Variants in EREG observed in about 807,000 individuals in gnomAD.
EREG encodes epiregulin, also known as proepiregulin.
EREG carries 23 observed loss-of-function variants against 22.4 expected under a neutral mutation model. That is an observed-to-expected ratio of 1.03 (90% CI 0.74 to 1.46). The LOEUF (loss-of-function observed/expected upper bound fraction) is 1.46. Ranked by LOEUF, EREG falls within the 40% of genes most tolerant of loss-of-function variation. The pLI, the probability that EREG is intolerant of heterozygous loss-of-function variation, is 0.00. For missense variants in EREG, 226 were observed against 205.9 expected (o/e 1.10, Z -0.60); for synonymous variants, 100 against 75.4 (o/e 1.33, Z -1.69).
At chr4:74,380,117 C>A (rs1425482105) in intron 2 of EREG, among the ~76,000 whole-genome samples, 1 of 152,136 alleles carries the variant, frequency 6.6e-6, no homozygotes, top group African/African-American at 2.4e-5. Context: ...TCAGCTTTAT[C>A]TTCATTCTGA....
chr4:74,368,731 C>A (rs186886547), intron 1 of EREG, among the ~76,000 whole-genome samples: 4 of 152,280 alleles, frequency 2.6e-5, no homozygotes, highest in African/African-American at 7.2e-5. Context: ...GTTTCCTCAT[C>A]TGTCAATCTT....
chr4:74,378,630 T>G (rs1752423138), intron 1 of EREG, among the ~76,000 whole-genome samples: 1 of 152,152 alleles, frequency 6.6e-6, no homozygotes, highest in African/African-American at 2.4e-5. Context: ...TTGGAAAGAG[T>G]GTTTGAAGTG....
intron 1 of EREG, 79 bp from the exon 2 acceptor site, chr4:74,379,369 A>C: frequency 1.2e-6 from 1 of 842,076 alleles, no homozygotes. Context: ...CTCTATAAGT[A>C]CTGCAGTTAT....
Position 74,365,209 on chromosome 4 carries a change from C to A in EREG, c.-100C>A, listed in dbSNP as rs1752150491. 7.8e-6 allele frequency: 7 copies of A among 896,894 alleles called. No individual in the cohort carries two copies. The Admixed American group carries it at 1.2e-4, about 15-fold the overall frequency. 55.6% of individuals were successfully genotyped at this position (896,894 alleles called of 1,614,324 possible). A position where few individuals can be genotyped will look rare whatever the true frequency, so the allele number is the denominator to read the frequency against. On this transcript the variant is annotated 5_prime_UTR_variant, in exon 1 of 5. Coordinates refer to ENST00000244869, the MANE Select transcript of EREG (RefSeq NM_001432.3). Reference sequence around the variant, plus strand: ...CGTGGGGTCCCTTCTAGGCTGACAGCCGCTCTCCAGCCACTGCCGCGAGCC... The same window carrying A: ...CGTGGGGTCCCTTCTAGGCTGACAGACGCTCTCCAGCCACTGCCGCGAGCC...
intron 2 of EREG, among the ~76,000 whole-genome samples, chr4:74,380,792 C>A (rs149770501): frequency 0.012 from 1,845 of 152,228 alleles, 24 homozygotes; most frequent in Non-Finnish European, 0.018. Flanking sequence ...ATGTTATCTT[C>A]TTTTGTTTAG....
intron 1 of EREG, among the ~76,000 whole-genome samples, chr4:74,375,784 A>G (rs1175912036): frequency 6.6e-6 from 1 of 152,122 alleles, no homozygotes; most frequent in Non-Finnish European, 1.5e-5. Flanking sequence ...CACTATTTTA[A>G]AGCAATAGTG....
At chr4:74,382,874 G>C (rs1752502693) in intron 4 of EREG, 80 bp downstream of exon 4, 2 of 1,035,310 alleles carry the variant, frequency 1.9e-6, no homozygotes, top group African/African-American at 1.7e-5. Context: ...TAAAAATATG[G>C]ATAAAGTATT....
chr4:74,372,472 C>T (rs1180634596), intron 1 of EREG, among the ~76,000 whole-genome samples: 2 of 152,182 alleles, frequency 1.3e-5, no homozygotes, highest in Admixed American at 6.5e-5. Flanking sequence ...CTTCCTGCCA[C>T]AATGTGGCCA....
chr4:74,387,141 T>TACA lies in EREG; in HGVS notation c.*2333_*2334insACA, dbSNP rs1752581784. On this transcript the variant is annotated 3_prime_UTR_variant, in exon 5 of 5. Transcript: ENST00000244869. Reference sequence around the variant, plus strand: ...AAGATGATTTAAGTATACAGGAGGATGTGAATAGGTTATATGCAAGCACTA... The same window carrying TACA: ...AAGATGATTTAAGTATACAGGAGGATACAGTGAATAGGTTATATGCAAGCACTA... 6.6e-6 allele frequency: 1 copy of TACA among 152,174 alleles called. No individual in the cohort carries two copies. Among genetic ancestry groups the TACA allele is most frequent in the Non-Finnish European group, 1.5e-5 (1 of 68,036 alleles). The allele number at this position is 152,174 out of a possible 1,614,324, so 9.4% of individuals were successfully genotyped here. A position where few individuals can be genotyped will look rare whatever the true frequency, so the allele number is the denominator to read the frequency against.
At position 74,385,959 on chromosome 4, in the gene EREG, C is replaced by A. The variant is rs1187093513; in HGVS notation, c.*1151C>A. 2.6e-6 allele frequency: 1 copy of A among 388,712 alleles called. No individual in the cohort carries two copies. Among genetic ancestry groups the A allele is most frequent in the Non-Finnish European group, 4.6e-6 (1 of 219,674 alleles). 24.1% of individuals were successfully genotyped at this position (388,712 alleles called of 1,614,324 possible). A position where few individuals can be genotyped will look rare whatever the true frequency, so the allele number is the denominator to read the frequency against. ...TGGTGTATTTTTCCAAATGAAAAATCTCAATTGAAAGCTTTTAAAATGTAG... is the reference window on the plus strand; with the variant it reads ...TGGTGTATTTTTCCAAATGAAAAATATCAATTGAAAGCTTTTAAAATGTAG... On this transcript the variant is annotated 3_prime_UTR_variant, in exon 5 of 5. Coordinates refer to ENST00000244869, the MANE Select transcript of EREG (RefSeq NM_001432.3).
Position 74,384,974 on chromosome 4 carries a change from T to A in EREG, c.*166T>A, listed in dbSNP as rs1376699629. 2 of 508,454 alleles carry A rather than the reference T, an allele frequency of 3.9e-6. No individual in the cohort carries two copies. The highest frequency in any genetic ancestry group is 6.7e-5 in the Admixed American group (2 of 29,834). The allele number at this position is 508,454 out of a possible 1,614,324, so 31.5% of individuals were successfully genotyped here. A position where few individuals can be genotyped will look rare whatever the true frequency, so the allele number is the denominator to read the frequency against. On this transcript the variant is annotated 3_prime_UTR_variant, in exon 5 of 5. Transcript: ENST00000244869. ...TTTTGTTTTATTTTTGACAGACTAT[T>A]TGCTAATGTATAATGTGCAGAAAAT...
intron 1 of EREG, among the ~76,000 whole-genome samples, chr4:74,377,847 G>T (rs4694682): frequency 6.6e-6 from 1 of 151,540 alleles, no homozygotes; most frequent in African/African-American, 2.4e-5. Flanking sequence ...GAAACTACCC[G>T]CATTGATTCA....
intron 1 of EREG, among the ~76,000 whole-genome samples, chr4:74,371,648 A>G (rs1752291717): frequency 6.6e-6 from 1 of 152,148 alleles, no homozygotes; most frequent in African/African-American, 2.4e-5. Context: ...ATCTCCTCAT[A>G]TGACTTTCAA....
In EREG at chr4:74,385,940, A is replaced by G. The variant is rs983335580; in HGVS notation, c.*1132A>G. On this transcript the variant is annotated 3_prime_UTR_variant, in exon 5 of 5. Transcript: ENST00000244869. Reference sequence around the variant, plus strand: ...AAAAACTTAAAAATTAATATGGTGTATTTTTCCAAATGAAAAATCTCAATT... The same window carrying G: ...AAAAACTTAAAAATTAATATGGTGTGTTTTTCCAAATGAAAAATCTCAATT... The G allele has an allele frequency of 1.4e-4, 55 of 392,704 alleles. No homozygotes were observed. The East Asian group carries it at 2.0e-3, about 14-fold the overall frequency. 24.3% of individuals were successfully genotyped at this position (392,704 alleles called of 1,614,324 possible).
intron 1 of EREG, among the ~76,000 whole-genome samples, chr4:74,371,666 TCTC>T (rs1280414479): frequency 6.6e-6 from 1 of 152,170 alleles, no homozygotes; most frequent in African/African-American, 2.4e-5. Context: ...CAAATAGACT[TCTC>T]CTAATCTCCA....
At chr4:74,365,745 C>G (rs1048195853) in intron 1 of EREG, among the ~76,000 whole-genome samples, 2 of 138,560 alleles carry the variant, frequency 1.4e-5, no homozygotes, top group African/African-American at 5.5e-5. Context: ...ATGTCTTGTT[C>G]CTTTTTGTTG....
chr4:74,376,529 C>T (rs1358008819), intron 1 of EREG, among the ~76,000 whole-genome samples: 1 of 152,210 alleles, frequency 6.6e-6, no homozygotes, highest in Non-Finnish European at 1.5e-5. Context: ...CTAGCTTATC[C>T]TCCATAAAAA....
chr4:74,369,362 A>G (rs1302417229), intron 1 of EREG, among the ~76,000 whole-genome samples: 2 of 151,292 alleles, frequency 1.3e-5, no homozygotes, highest in Non-Finnish European at 2.9e-5. Flanking sequence ...GCCTTTGTGT[A>G]CTCATAGTAC....
rs1239999314 is a variant in EREG at position 74,381,141 on chromosome 4, A to G, written c.278+4A>G. 1.2e-6 allele frequency: 2 copies of G among 1,608,758 alleles called. No individual in the cohort carries two copies. The highest frequency in any genetic ancestry group is 2.2e-5 in the East Asian group (1 of 44,790). On this transcript the variant is annotated splice_donor_region_variant and intron_variant, in intron 3 of 4. Coordinates refer to ENST00000244869, the MANE Select transcript of EREG (RefSeq NM_001432.3). ...ACATGAGTCAAAACTACTGCAGGTA[A>G]TATGTCAGAAATAAACAAACACAGT...
Sources: gnomAD v4.1 joint callset for allele counts (sites outside exome capture counted in the v4.1 genomes callset) on GRCh38, gnomAD v4.1.1 for gene constraint, MANE v1.5 for transcripts, NCBI Gene and HGNC (gene_info 2026-07-23, HGNC 2026-07-21) for gene names.